POLR1A: variants seen among roughly 807,000 people sequenced by gnomAD.
POLR1A encodes RNA polymerase I subunit A, also known as DNA-directed RNA polymerase I subunit RPA1.
POLR1A carries 84 observed loss-of-function variants against 205.3 expected under a neutral mutation model. The observed-to-expected ratio is 0.41, with a 90% CI of 0.34 to 0.49. POLR1A has a LOEUF of 0.49. POLR1A is among the 20% of genes least tolerant of loss of function. The pLI, the probability that POLR1A is intolerant of heterozygous loss-of-function variation, is 0.22. For missense variants in POLR1A, 1,645 were observed against 2,204.5 expected (o/e 0.75, Z 5.08); for synonymous variants, 799 against 863.7 (o/e 0.93, Z 1.31).
chr2:86,098,814 T>C (rs1183498623), intron 2 of POLR1A, 54 bp from the exon 3 acceptor site: 1 of 1,580,388 alleles, frequency 6.3e-7, no homozygotes, highest in African/African-American at 1.3e-5. Context: ...ACAGTAGCCA[T>C]GGTGATTTTC....
chr2:86,086,423 A>G (rs1161240386), intron 6 of POLR1A, among the ~76,000 whole-genome samples: 2 of 152,168 alleles, frequency 1.3e-5, no homozygotes, highest in East Asian at 3.9e-4. Flanking sequence ...TACCAGGAAC[A>G]TGGTCAGACC....
rs892750135 is a variant in POLR1A, at chr2:86,070,266, G to T, written c.1618C>A (p.Arg540=). The change falls in exon 13 of 34, where the codon CGG becomes AGG. Residue 540 remains arginine (R), a synonymous_variant. Coordinates refer to ENST00000263857, the MANE Select transcript of POLR1A (RefSeq NM_015425.6). The surrounding 1 kb of genome is among the most constrained non-coding windows in gnomAD (Gnocchi z 4.4). ...PKPQGTKIVC[R]HVKNGDILLL... is the part of the protein sequence containing the mutation. Reference sequence around the variant, plus strand: ...AGAATGTCCCCATTCTTCACATGCCGGCACACCTGGGAACAGAGTGGACAG... The same window carrying T: ...AGAATGTCCCCATTCTTCACATGCCTGCACACCTGGGAACAGAGTGGACAG... The T allele has an allele frequency of 3.7e-6, 6 of 1,607,184 alleles. No homozygotes were observed. The highest frequency in any genetic ancestry group is 4.3e-6 in the Non-Finnish European group (5 of 1,175,562).
At chr2:86,082,474 A>C (rs1169939189) in intron 7 of POLR1A, among the ~76,000 whole-genome samples, 1 of 152,158 alleles carries the variant, frequency 6.6e-6, no homozygotes, top group African/African-American at 2.4e-5. Context: ...TACTTTAAAA[A>C]ATGCCTAGAG....
intron 13 of POLR1A, chr2:86,065,801 T>C (rs1176464484): frequency 1.6e-5 from 4 of 247,764 alleles, no homozygotes; most frequent in African/African-American, 9.1e-5. Flanking sequence ...AAATTTGGTC[T>C]GGCTGCTGTC....
chr2:86,065,127 A>C (rs1019933303), intron 14 of POLR1A, 147 bp downstream of exon 14: 9 of 740,934 alleles, frequency 1.2e-5, no homozygotes, highest in Non-Finnish European at 2.0e-5. Flanking sequence ...CAGACTCAGG[A>C]ACCCCAAACA....
At chr2:86,057,544 A>C (rs1289646888) in intron 14 of POLR1A, among the ~76,000 whole-genome samples, 1 of 152,278 alleles carries the variant, frequency 6.6e-6, no homozygotes, top group African/African-American at 2.4e-5. Context: ...GTAGTATCCA[A>C]AAAATGGAAA....
intron 3 of POLR1A, among the ~76,000 whole-genome samples, chr2:86,092,577 C>A (rs1439556899): frequency 6.6e-6 from 1 of 152,236 alleles, no homozygotes; most frequent in Non-Finnish European, 1.5e-5. Context: ...GTAATCCCAG[C>A]ACTTTGGGAG....
chr2:86,098,376 A>T (rs1371217880), intron 3 of POLR1A, among the ~76,000 whole-genome samples: 2 of 152,268 alleles, frequency 1.3e-5, no homozygotes, highest in African/African-American at 4.8e-5. Context: ...CCAGAAAATC[A>T]GCAAAAGCTC....
intron 6 of POLR1A, among the ~76,000 whole-genome samples, chr2:86,086,040 T>C (rs939708428): frequency 5.3e-5 from 8 of 151,110 alleles, no homozygotes; most frequent in Non-Finnish European, 1.0e-4. Context: ...CCATGGGGAC[T>C]ACTCAGGCAC....
intron 8 of POLR1A, 78 bp from the exon 9 acceptor site, chr2:86,081,056 A>T (rs1573828157): frequency 7.5e-7 from 1 of 1,337,610 alleles, no homozygotes; most frequent in Admixed American, 2.0e-5. Flanking sequence ...ACCCATGCCT[A>T]CTGTAGGGAG....
Position 86,070,132 on chromosome 2 carries a change from G to T in POLR1A, c.1752C>A (p.Ala584=), listed in dbSNP as rs770991013. ...CGTCTCCATCAAAGTCGGCATTATA[G>T]GCCTTGCAGTTGGCATAGTGGAGCC... ...VLRLHYANCK[A]YNADFDGDEM... The change falls in exon 13 of 34, where the codon GCC becomes GCA. Residue 584 remains alanine (A), a synonymous_variant. Coordinates refer to ENST00000263857, the MANE Select transcript of POLR1A (RefSeq NM_015425.6). The surrounding 1 kb of genome is among the most constrained non-coding windows in gnomAD (Gnocchi z 4.4). 1.2e-6 allele frequency: 2 copies of T among 1,614,114 alleles called. No homozygotes were observed. The highest frequency in any genetic ancestry group is 8.5e-7 in the Non-Finnish European group (1 of 1,180,044).
At position 86,101,937 on chromosome 2, in the gene POLR1A, T is replaced by C. The variant is rs146881479; in HGVS notation, c.78-1765A>G. 4.2e-3 allele frequency among the ~76,000 whole-genome samples: 642 copies of C among 152,350 alleles called. 5 individuals are homozygous for C. The highest frequency in any genetic ancestry group is 0.014 in the African/African-American group (582 of 41,586). On this transcript the variant is annotated intron_variant, in intron 1 of 33. Transcript: ENST00000263857. ...TTCACTTAGCACCGTGCCCTCAAGG[T>C]TCATCCATGTTATAGGATGTGTTGA... is the stretch of plus-strand genomic sequence containing the variant.
At chr2:86,072,305 A>G (rs1673192847) in intron 12 of POLR1A, among the ~76,000 whole-genome samples, 1 of 152,240 alleles carries the variant, frequency 6.6e-6, no homozygotes. Context: ...TGCCCAGGGC[A>G]CTGGCTGCTG....
intron 3 of POLR1A, among the ~76,000 whole-genome samples, chr2:86,096,626 T>C (rs1673708488): frequency 6.6e-6 from 1 of 152,148 alleles, no homozygotes; most frequent in Non-Finnish European, 1.5e-5. Context: ...TCTGCATATC[T>C]ACAGCCAACT....
Position 86,041,176 on chromosome 2 carries a change from TGTGTGTGTGTGTGTGC to T in POLR1A, c.3573-633_3573-618del, listed in dbSNP as rs1242919297. Reference sequence around the variant, plus strand: ...GTGTGTGTGTGTGTGTGTGTGTGTGTGTGTGTGTGTGTGTGCGCGCTGAGCTACAGTGTCTGTGTGT... The same window carrying T: ...GTGTGTGTGTGTGTGTGTGTGTGTGTGCGCTGAGCTACAGTGTCTGTGTGT... On this transcript the variant is annotated intron_variant, in intron 24 of 33. Transcript: ENST00000263857. Among the ~76,000 whole-genome samples the T allele has an allele frequency of 1.0e-4, 10 of 99,250 alleles. 1 individual carries two copies. The highest frequency in any genetic ancestry group is 4.5e-4 in the East Asian group (2 of 4,416). The allele number at this position is 99,250 out of a possible 152,430, so 65.1% of individuals were successfully genotyped here.
At position 86,031,428 on chromosome 2, in the gene POLR1A, C is replaced by T. The variant is rs746215682; in HGVS notation, c.4480G>A (p.Gly1494Arg). The T allele has an allele frequency of 3.1e-6, 5 of 1,614,012 alleles. No homozygotes were observed. The highest frequency in any genetic ancestry group is 3.4e-6 in the Non-Finnish European group (4 of 1,179,948). Residue 1494 changes from glycine (G) to arginine (R), a missense_variant, in exon 30 of 34, where the codon GGG (glycine) becomes AGG (arginine). By Grantham distance (125) the Gly-to-Arg change is moderately radical (BLOSUM62 -2). Coordinates refer to ENST00000263857, the MANE Select transcript of POLR1A (RefSeq NM_015425.6). ...ACCCGGCGCTCCATGGCCTCGGGCC[C>T]CTGGGGCTCCTGGCTGTGGGTGGGT... is the stretch of plus-strand genomic sequence containing the variant. ...RKPTHSQEPQGPEAMERRVQA... is the reference protein window; with the variant it reads ...RKPTHSQEPQRPEAMERRVQA...
At chr2:86,038,112 G>A (rs1672531959) in intron 27 of POLR1A, among the ~76,000 whole-genome samples, 1 of 152,206 alleles carries the variant, frequency 6.6e-6, no homozygotes, top group Admixed American at 6.5e-5. Flanking sequence ...TGTGGCCTCT[G>A]CTTTTCAAAT....
chr2:86,033,902 A>G, intron 27 of POLR1A, 115 bp from the exon 28 acceptor site: 1 of 1,286,862 alleles, frequency 7.8e-7, no homozygotes. Flanking sequence ...CACGAGATGG[A>G]GGCCCAGCCT....
In POLR1A at chr2:86,028,532, G is replaced by A. The variant is rs537596117; in HGVS notation, c.4897+62C>T. The A allele has an allele frequency of 2.3e-4, 276 of 1,205,072 alleles. 2 individuals are homozygous for A. The African/African-American group carries it at 3.4e-3, about 15-fold the overall frequency. The allele number at this position is 1,205,072 out of a possible 1,614,324, so 74.6% of individuals were successfully genotyped here. A position where few individuals can be genotyped will look rare whatever the true frequency, so the allele number is the denominator to read the frequency against. ...CCGACACGGTCCTGACCCTCCTGCC[G>A]AGCCTTCTGGTGTCCTGGCTGGTGC... is the stretch of plus-strand genomic sequence containing the variant. On this transcript the variant is annotated intron_variant, in intron 32 of 33. Coordinates refer to ENST00000263857, the MANE Select transcript of POLR1A (RefSeq NM_015425.6). This position sits in a 1 kb window ranked among gnomAD's most constrained non-coding sequence, Gnocchi z 4.5.
Sources: gnomAD v4.1 joint callset for allele counts (sites outside exome capture counted in the v4.1 genomes callset) on GRCh38, gnomAD v4.1.1 for gene constraint, Gnocchi (gnomAD v3.1) non-coding constraint, MANE v1.5 for transcripts, NCBI Gene and HGNC (gene_info 2026-07-23, HGNC 2026-07-21) for gene names.